PHYHD1: variants seen among roughly 807,000 people sequenced by gnomAD.
PHYHD1 encodes the protein phytanoyl-CoA dioxygenase domain-containing protein 1.
In PHYHD1, 42 loss-of-function variants were observed where a neutral mutation model predicts 43.6. The observed-to-expected ratio is 0.96, with a 90% confidence interval of 0.75 to 1.25. The LOEUF is 1.25. PHYHD1 is among the 50% of genes most tolerant of loss of function. PHYHD1 has a pLI of 0.00. For synonymous variants in PHYHD1, 139 were observed against 143.6 expected, an observed-to-expected ratio of 0.97 and a Z score of 0.23; for missense variants, 342 against 370.8, an observed-to-expected ratio of 0.92 and a Z score of 0.64.
intron 4 of PHYHD1, among the ~76,000 whole-genome samples, chr9:128,932,820 CTTATTTATTTAT>C (rs36079303): frequency 0.079 from 11,272 of 141,842 alleles, 1,136 homozygotes; most frequent in African/African-American, 0.24. Context: ...ATTATTATTC[CTTATTTATTTAT>C]TTATTTATTT....
At chr9:128,940,545 G>A in intron 10 of PHYHD1, 48 bp downstream of exon 10, 1 of 1,613,816 alleles carries the variant, frequency 6.2e-7, no homozygotes, top group Non-Finnish European at 8.5e-7. Flanking sequence ...CCACCCCCTA[G>A]GGAGAGGGAC....
intron 9 of PHYHD1, 106 bp from the exon 10 acceptor site, chr9:128,940,263 G>T: frequency 1.3e-6 from 2 of 1,504,588 alleles, no homozygotes; most frequent in South Asian, 2.5e-5. Flanking sequence ...TCATGGGAAG[G>T]CTGGCCCTGG....
chr9:128,940,207 G>A (rs927764393), intron 9 of PHYHD1, among the ~76,000 whole-genome samples, 162 bp from the exon 10 acceptor site: 3 of 152,156 alleles, frequency 2.0e-5, no homozygotes, highest in Admixed American at 6.6e-5. Context: ...AGGTGAAATC[G>A]CTTGCCTTAG....
intron 6 of PHYHD1, 148 bp downstream of exon 6, chr9:128,934,206 G>A (rs975037227): frequency 5.0e-6 from 4 of 801,428 alleles, no homozygotes; most frequent in Admixed American, 2.7e-5. Context: ...TGGCCAACAT[G>A]GTGAAACCCC....
At position 128,936,280 on chromosome 9, in the gene PHYHD1, G is replaced by A. The variant is rs180976600; in HGVS notation, c.317-168G>A. ...ATGGGTGGCATAGGGCCTGGGGTGG[G>A]GGCAAGGCTCCTGTGGAGCCCATTA... On this transcript the variant is annotated intron_variant, in intron 6 of 12. Transcript: ENST00000372592. 1.8e-4 allele frequency among the ~76,000 whole-genome samples: 27 copies of A among 152,046 alleles called. No homozygotes were observed. In the East Asian group the frequency reaches 4.5e-3, roughly 25 times the overall value.
chr9:128,941,484 G>A lies in PHYHD1; in HGVS notation c.743G>A (p.Ser248Asn). Residue 248 changes from serine (S) to asparagine (N), a missense_variant, in exon 12 of 13, where the codon AGC becomes AAC. Coordinates refer to ENST00000372592, the MANE Select transcript of PHYHD1 (RefSeq NM_001100876.2). Reference protein sequence around the residue: ...VLIHGEVVHKSKQNLSDRSRQ... With the variant: ...VLIHGEVVHKNKQNLSDRSRQ... ...ATCCATGGAGAAGTGGTACACAAGA[G>A]CAAGCAGAACCTCTCTGACCGCTCG... 2 of 1,613,990 alleles carry A rather than the reference G, an allele frequency of 1.2e-6. No homozygotes were observed. Among genetic ancestry groups the A allele is most frequent in the South Asian group, 1.1e-5 (1 of 91,076 alleles).
At chr9:128,932,179 TTA>T (rs1459217267) in intron 4 of PHYHD1, among the ~76,000 whole-genome samples, 5 of 102,592 alleles carry the variant, frequency 4.9e-5, no homozygotes, top group African/African-American at 1.2e-4. Context: ...GTTATTATTA[TTA>T]TTATTTTTTT....
Position 128,940,620 on chromosome 9 carries a change from T to A in PHYHD1, c.608T>A (p.Val203Asp). Reference sequence around the variant, plus strand: ...GCAGGTGGTGTGTCAAGAAGGATGGTCCGGGCCCCTGTTGGCTCAGCGCCT... The same window carrying A: ...GCAGGTGGTGTGTCAAGAAGGATGGACCGGGCCCCTGTTGGCTCAGCGCCT... ...SHTSGVSRRM[V>D]RAPVGSAPGT... Residue 203 changes from valine (V) to aspartate (D), a missense_variant, in exon 11 of 13, where the codon GTC becomes GAC. Transcript: ENST00000372592. 1 of 1,614,166 alleles carries A rather than the reference T, an allele frequency of 6.2e-7. No individual in the cohort carries two copies. The highest frequency in any genetic ancestry group is 8.5e-7 in the Non-Finnish European group (1 of 1,180,030).
At chr9:128,939,382 C>T (rs1176798768) in intron 9 of PHYHD1, among the ~76,000 whole-genome samples, 1 of 125,824 alleles carries the variant, frequency 7.9e-6, no homozygotes, top group Non-Finnish European at 1.8e-5. Context: ...AGTTTGAGAC[C>T]AGCCTGGCTA....
At chr9:128,922,077 AG>A (rs1841011211) in intron 2 of PHYHD1, 30 bp downstream of exon 2, 1 of 529,204 alleles carries the variant, frequency 1.9e-6, no homozygotes, top group Admixed American at 3.6e-5. Context: ...GGTTTCCAGA[AG>A]AAACACAGAG....
rs79591547 is a variant in PHYHD1 at position 128,930,461 on chromosome 9, C to A, written c.192+3265C>A. On this transcript the variant is annotated intron_variant, in intron 4 of 12. Coordinates refer to ENST00000372592, the MANE Select transcript of PHYHD1 (RefSeq NM_001100876.2). Reference sequence around the variant, plus strand: ...CACTGTCTTTTTAAAAAAAAAAAAACAAACCCTGGCATGGTGGCTCATGCC... The same window carrying A: ...CACTGTCTTTTTAAAAAAAAAAAAAAAAACCCTGGCATGGTGGCTCATGCC... Among the ~76,000 whole-genome samples the A allele has an allele frequency of 3.8e-3, 561 of 145,998 alleles. 10 individuals carry two copies. In the East Asian group the frequency reaches 0.072, roughly 19 times the overall value.
At chr9:128,934,367 G>T (rs1339728513) in intron 6 of PHYHD1, among the ~76,000 whole-genome samples, 2 of 150,312 alleles carry the variant, frequency 1.3e-5, no homozygotes, top group African/African-American at 2.5e-5. Context: ...CAGCCTGCCT[G>T]GGTGACAGAG....
At chr9:128,922,147 G>C (rs1450093469) in intron 2 of PHYHD1, 100 bp downstream of exon 2, 1 of 629,016 alleles carries the variant, frequency 1.6e-6, no homozygotes, top group Non-Finnish European at 2.8e-6. Context: ...TTGTGGGGGT[G>C]GGGGAGATTA....
intron 4 of PHYHD1, among the ~76,000 whole-genome samples, chr9:128,931,783 T>C (rs1041323129): frequency 3.3e-5 from 5 of 152,190 alleles, no homozygotes; most frequent in African/African-American, 9.7e-5. Context: ...CGCCTCAGCC[T>C]CCCAAAGTGC....
intron 6 of PHYHD1, 40 bp from the exon 7 acceptor site, chr9:128,936,408 G>A (rs1406588163): frequency 6.3e-7 from 1 of 1,587,378 alleles, no homozygotes; most frequent in South Asian, 1.1e-5. Flanking sequence ...AGGGACACGT[G>A]GGCCTGAGAT....
At chr9:128,940,237 A>G in intron 9 of PHYHD1, 132 bp from the exon 10 acceptor site, 1 of 1,376,684 alleles carries the variant, frequency 7.3e-7, no homozygotes, top group Non-Finnish European at 9.9e-7. Flanking sequence ...CCAGGAAGTG[A>G]TGAGATTCTA....
intron 3 of PHYHD1, 111 bp from the exon 4 acceptor site, chr9:128,926,927 G>A (rs1282675624): frequency 1.4e-6 from 2 of 1,446,930 alleles, no homozygotes; most frequent in East Asian, 2.3e-5. Context: ...TTGGGGACAG[G>A]GCAGCAAACA....
intron 4 of PHYHD1, among the ~76,000 whole-genome samples, chr9:128,929,285 C>T (rs1841213249): frequency 6.6e-6 from 1 of 151,640 alleles, no homozygotes; most frequent in South Asian, 2.1e-4. Context: ...GAGCTATAAT[C>T]ATGCCACTGC....
intron 8 of PHYHD1, among the ~76,000 whole-genome samples, chr9:128,937,482 G>A (rs909326382): frequency 2.0e-5 from 3 of 152,156 alleles, no homozygotes. Flanking sequence ...CTGTGTCCTA[G>A]CCTCTCCCTC....
Sources: gnomAD v4.1 joint callset for allele counts (sites outside exome capture counted in the v4.1 genomes callset) on GRCh38, gnomAD v4.1.1 for gene constraint, MANE v1.5 for transcripts, NCBI Gene and HGNC (gene_info 2026-07-23, HGNC 2026-07-21) for gene names.